Variants in NIPBL observed in about 807,000 individuals in gnomAD.
NIPBL encodes NIPBL cohesin loading factor.
NIPBL carries 19 observed loss-of-function variants against 321.8 expected under a neutral mutation model. The observed-to-expected ratio is 0.06, with a 90% CI of 0.04 to 0.09. NIPBL has a LOEUF of 0.09. NIPBL is among the 10% of genes least tolerant of loss of function. The pLI is 1.00. For synonymous variants in NIPBL, 1,106 were observed against 1,114.1 expected (o/e 0.99, Z 0.14); for missense variants, 2,210 against 3,327.0 (o/e 0.66, Z 8.26).
intron 1 of NIPBL, among the ~76,000 whole-genome samples, chr5:36,883,788 G>A (rs974975144): frequency 6.6e-6 from 1 of 151,330 alleles, no homozygotes; most frequent in Non-Finnish European, 1.5e-5. Context: ...CAAAGACATC[G>A]ATCGTCTGAG....
chr5:36,998,342 A>T (rs191149773), intron 11 of NIPBL, among the ~76,000 whole-genome samples: 1 of 152,216 alleles, frequency 6.6e-6, no homozygotes, highest in African/African-American at 2.4e-5. Context: ...ATGAATGTGA[A>T]ATAAAGATTT....
At chr5:36,966,460 A>G (rs1450291568) in intron 6 of NIPBL, among the ~76,000 whole-genome samples, 1 of 152,086 alleles carries the variant, frequency 6.6e-6, no homozygotes, top group African/African-American at 2.4e-5. Flanking sequence ...TTTACATTGT[A>G]TCTTATCATT....
At chr5:36,896,119 G>T (rs747287572) in intron 1 of NIPBL, among the ~76,000 whole-genome samples, 1 of 152,196 alleles carries the variant, frequency 6.6e-6, no homozygotes. Flanking sequence ...AAGGTATGAG[G>T]TAGGGATCCA....
intron 1 of NIPBL, among the ~76,000 whole-genome samples, chr5:36,933,978 T>C (rs1749974587): frequency 6.6e-6 from 1 of 152,086 alleles, no homozygotes; most frequent in Non-Finnish European, 1.5e-5. Context: ...AGGTTCTCTT[T>C]CTAATAAAAA....
intron 45 of NIPBL, 67 bp downstream of exon 45, chr5:37,061,085 C>T (rs771721091): frequency 3.0e-5 from 35 of 1,168,032 alleles, no homozygotes; most frequent in Admixed American, 7.0e-5. Flanking sequence ...TGTGGGGGGC[C>T]GGTGGGGAGA....
chr5:36,999,928 T>G (rs1580435113), intron 11 of NIPBL, among the ~76,000 whole-genome samples: 1 of 152,208 alleles, frequency 6.6e-6, no homozygotes, highest in African/African-American at 2.4e-5. Flanking sequence ...TGTAACACTT[T>G]CTCAAAAGTT....
chr5:36,945,508 CCTT>C (rs66929018), intron 1 of NIPBL, among the ~76,000 whole-genome samples: 14,681 of 152,096 alleles, frequency 0.097, 941 homozygotes, highest in Admixed American at 0.16. Context: ...GTAAATATAT[CCTT>C]CTAATACACG....
rs575111348 is a variant in NIPBL, at chr5:37,024,418, A to G, written c.5575-167A>G. Among the ~76,000 whole-genome samples, 3 of 151,628 alleles carry G rather than the reference A, an allele frequency of 2.0e-5. No homozygotes were observed. In the East Asian group the frequency reaches 5.8e-4, roughly 29 times the overall value. On this transcript the variant is annotated intron_variant, in intron 29 of 46. Coordinates refer to ENST00000282516, the MANE Select transcript of NIPBL (RefSeq NM_133433.4). ...ACTTTAAAAGTAAAGACAACATAAAAAAATAACACATTTATAGTAGCAGAA... is the reference window on the plus strand; with the variant it reads ...ACTTTAAAAGTAAAGACAACATAAAGAAATAACACATTTATAGTAGCAGAA...
intron 24 of NIPBL, among the ~76,000 whole-genome samples, chr5:37,017,934 T>C (rs747339333): frequency 1.2e-4 from 19 of 152,294 alleles, no homozygotes; most frequent in South Asian, 4.1e-4. Flanking sequence ...TATGTGTGTC[T>C]GTATATGCAT....
intron 37 of NIPBL, 133 bp downstream of exon 37, chr5:37,045,730 C>A: frequency 1.0e-6 from 1 of 953,606 alleles, no homozygotes; most frequent in Non-Finnish European, 1.6e-6. Flanking sequence ...GAAAACAGTG[C>A]TGCTCAAAAC....
chr5:36,901,490 CTTCT>C lies in NIPBL; in HGVS notation c.-80+24313_-80+24316del, dbSNP rs139219417. On this transcript the variant is annotated intron_variant, in intron 1 of 46. Transcript: ENST00000282516. ...AGTAGGATTGCTGGGTTGCATGGTC[CTTCT>C]AAGTCCTTTTTTTTTTTTTTTTTTT... Among the ~76,000 whole-genome samples, 717 of 140,318 alleles carry C rather than the reference CTTCT, an allele frequency of 5.1e-3. 9 individuals carry two copies. The highest frequency in any genetic ancestry group is 0.018 in the African/African-American group (653 of 36,508). 92.1% of individuals were successfully genotyped at this position (140,318 alleles called of 152,430 possible). A position where few individuals can be genotyped will look rare whatever the true frequency, so the allele number is the denominator to read the frequency against.
chr5:36,972,074 T>C, intron 8 of NIPBL, 33 bp downstream of exon 8: 1 of 1,413,398 alleles, frequency 7.1e-7, no homozygotes, highest in South Asian at 1.2e-5. Flanking sequence ...CTTCTGTATA[T>C]TTTATATTTG....
In NIPBL at chr5:37,020,631, G is replaced by A; in HGVS notation, c.5183G>A (p.Arg1728Lys). 6.2e-7 allele frequency: 1 copy of A among 1,614,100 alleles called. No homozygotes were observed. The highest frequency in any genetic ancestry group is 8.5e-7 in the Non-Finnish European group (1 of 1,180,014). Reference sequence around the variant, plus strand: ...GCTGAAAACCGAAAAAAGTTTCTTAGAAGCATTATCAAAACCACACCTTCT... The same window carrying A: ...GCTGAAAACCGAAAAAAGTTTCTTAAAAGCATTATCAAAACCACACCTTCT... ...HRAENRKKFL[R>K]SIIKTTPSQF... Residue 1728 changes from arginine (R) to lysine (K), a missense_variant, in exon 26 of 47, where the codon AGA becomes AAA. Arg to Lys is a conservative substitution (Grantham distance 26). Transcript: ENST00000282516.
At chr5:37,016,210 G>A (rs1188577332) in intron 23 of NIPBL, 40 bp downstream of exon 23, 1 of 1,589,250 alleles carries the variant, frequency 6.3e-7, no homozygotes, top group African/African-American at 1.3e-5. Flanking sequence ...ATTACTAGAA[G>A]ACAACATAAT....
rs537172490 is a variant in NIPBL at position 36,922,247 on chromosome 5, CCTT to C, written c.-79-31370_-79-31368del. 5.8e-4 allele frequency among the ~76,000 whole-genome samples: 88 copies of C among 152,120 alleles called. 1 individual carries two copies. Among genetic ancestry groups the C allele is most frequent in the Admixed American group, 4.9e-3 (75 of 15,266 alleles). On this transcript the variant is annotated intron_variant, in intron 1 of 46. Coordinates refer to ENST00000282516, the MANE Select transcript of NIPBL (RefSeq NM_133433.4). The stretch of plus-strand genomic sequence containing the variant: ...TTCTATCACTGCCCATTTTCCACCT[CCTT>C]ATTTTTTGTATAATGACCTTGAATT...
At chr5:36,912,526 G>T (rs1748125704) in intron 1 of NIPBL, among the ~76,000 whole-genome samples, 1 of 147,460 alleles carries the variant, frequency 6.8e-6, no homozygotes, top group African/African-American at 2.5e-5. Flanking sequence ...TTTTGGGGAT[G>T]GAATCTCACT....
At chr5:36,911,190 G>C (rs1748022734) in intron 1 of NIPBL, among the ~76,000 whole-genome samples, 1 of 152,176 alleles carries the variant, frequency 6.6e-6, no homozygotes, top group African/African-American at 2.4e-5. Flanking sequence ...AGCATCTGGA[G>C]AGCTTTTTCC....
At position 37,066,320 on chromosome 5, in the gene NIPBL, T is replaced by G. The variant is rs1755334838; in HGVS notation, c.*1428T>G. 6.6e-6 allele frequency: 1 copy of G among 152,190 alleles called. No individual in the cohort carries two copies. 9.4% of individuals were successfully genotyped at this position (152,190 alleles called of 1,614,324 possible). A position where few individuals can be genotyped will look rare whatever the true frequency, so the allele number is the denominator to read the frequency against. On this transcript the variant is annotated 3_prime_UTR_variant, in exon 47 of 47. Coordinates refer to ENST00000282516, the MANE Select transcript of NIPBL (RefSeq NM_133433.4). ...ACCTCCAGAATGCTGTTTTATGAAA[T>G]TGGCAAATAAATGAAGGTATTCAAT...
rs746759977 is a variant in NIPBL, at chr5:37,014,637, C to A, written c.4561-46C>A. 51 of 1,139,996 alleles carry A rather than the reference C, an allele frequency of 4.5e-5. No individual in the cohort carries two copies. In the South Asian group the frequency reaches 6.1e-4, roughly 14 times the overall value. The allele number at this position is 1,139,996 out of a possible 1,614,324, so 70.6% of individuals were successfully genotyped here. On this transcript the variant is annotated intron_variant, in intron 21 of 46. Coordinates refer to ENST00000282516, the MANE Select transcript of NIPBL (RefSeq NM_133433.4). ...AACATGACAATAGCAACAGGGCTAA[C>A]TTATTATTTCTTGTATCTTTATAAA... is the stretch of plus-strand genomic sequence containing the variant.
Sources: gnomAD v4.1 joint callset for allele counts (sites outside exome capture counted in the v4.1 genomes callset) on GRCh38, gnomAD v4.1.1 for gene constraint, MANE v1.5 for transcripts, NCBI Gene and HGNC (gene_info 2026-07-23, HGNC 2026-07-21) for gene names.